Variants in RBM39 observed in about 807,000 individuals in gnomAD.
RBM39 encodes RNA binding motif protein 39.
Under a neutral mutation model 79.6 loss-of-function variants are expected in RBM39, and 12 were observed. The ratio of observed to expected loss-of-function variants is 0.15; its 90% confidence interval spans 0.10 to 0.24. RBM39 has a LOEUF of 0.24. Ranked by LOEUF, RBM39 falls within the 10% of genes least tolerant of loss-of-function variation. The pLI, the probability that RBM39 is intolerant of heterozygous loss-of-function variation, is 1.00. For synonymous variants in RBM39, 185 were observed against 208.4 expected, an observed-to-expected ratio of 0.89 and a Z score of 0.97; for missense variants, 243 against 653.4, an observed-to-expected ratio of 0.37 and a Z score of 6.85.
chr20:35,714,130 T>G (rs572266953), intron 11 of RBM39, 55 bp downstream of exon 11: 1 of 1,546,954 alleles, frequency 6.5e-7, no homozygotes, highest in Non-Finnish European at 8.9e-7. Context: ...TGGCTACCTT[T>G]CTTTTCCACT....
intron 14 of RBM39, 92 bp downstream of exon 14, chr20:35,707,028 A>T (rs1001216692): frequency 1.5e-5 from 1 of 65,882 alleles, no homozygotes; most frequent in Non-Finnish European, 2.0e-5. Flanking sequence ...ACTCCATCTT[A>T]AAAAAAAAAA....
At chr20:35,734,295 G>T (rs1289242338) in intron 3 of RBM39, 3 of 1,148,452 alleles carry the variant, frequency 2.6e-6, no homozygotes, top group East Asian at 1.2e-4. Flanking sequence ...TGTCAGAAAT[G>T]TATATGCTAG....
intron 8 of RBM39, among the ~76,000 whole-genome samples, chr20:35,723,130 T>C (rs921028630): frequency 2.6e-5 from 4 of 152,060 alleles, no homozygotes; most frequent in African/African-American, 9.7e-5. Flanking sequence ...CCGAACGTAG[T>C]TGTTTGTGAT....
intron 9 of RBM39, among the ~76,000 whole-genome samples, chr20:35,718,277 CA>C (rs2037423055): frequency 7.0e-6 from 1 of 142,144 alleles, no homozygotes; most frequent in Non-Finnish European, 1.5e-5. Context: ...AAAAACAAAA[CA>C]AAACAAAAAA....
In RBM39 at chr20:35,725,175, TAAA is replaced by T. The variant is rs780183911; in HGVS notation, c.417-23_417-21del. 26 of 1,352,162 alleles carry T rather than the reference TAAA, an allele frequency of 1.9e-5. No homozygotes were observed. In the East Asian group the frequency reaches 6.1e-4, roughly 32 times the overall value. 83.8% of individuals were successfully genotyped at this position (1,352,162 alleles called of 1,614,324 possible). On this transcript the variant is annotated intron_variant, in intron 6 of 16. Coordinates refer to ENST00000253363, the MANE Select transcript of RBM39 (RefSeq NM_184234.3). The stretch of plus-strand genomic sequence containing the variant: ...GGTTCTCTAATAGGAGTAAAACATA[TAAA>T]ATTAATTTCATAACAGATTTTAAAA...
At chr20:35,714,458 ATATATT>A in intron 10 of RBM39, 69 bp from the exon 11 acceptor site, 1 of 1,448,334 alleles carries the variant, frequency 6.9e-7, no homozygotes, top group Non-Finnish European at 9.1e-7. Flanking sequence ...ATACTTAAAA[ATATATT>A]TATATTTTTA....
intron 6 of RBM39, among the ~76,000 whole-genome samples, chr20:35,726,771 ACT>A (rs926761948): frequency 6.6e-5 from 10 of 152,046 alleles, no homozygotes; most frequent in African/African-American, 2.4e-4. Flanking sequence ...TTTTTTGGAC[ACT>A]CTCAGGATGT....
chr20:35,715,378 G>C (rs1159831726), intron 10 of RBM39, among the ~76,000 whole-genome samples: 1 of 152,130 alleles, frequency 6.6e-6, no homozygotes, highest in Non-Finnish European at 1.5e-5. Flanking sequence ...GTTGCACCAT[G>C]TTGGCCAGGA....
At chr20:35,741,045 T>C (rs1033741071) in intron 1 of RBM39, among the ~76,000 whole-genome samples, 158 bp from the exon 2 acceptor site, 1 of 129,912 alleles carries the variant, frequency 7.7e-6, no homozygotes. Flanking sequence ...TTTTTTTTTT[T>C]TTTTTTGAGA....
intron 3 of RBM39, chr20:35,732,805 T>A (rs145911396): frequency 6.6e-6 from 1 of 152,162 alleles, no homozygotes; most frequent in Non-Finnish European, 1.5e-5. Flanking sequence ...CAAAATAAAT[T>A]AATAAAACAA....
intron 8 of RBM39, among the ~76,000 whole-genome samples, chr20:35,723,643 G>C (rs1404583954): frequency 6.6e-6 from 1 of 152,126 alleles, no homozygotes; most frequent in Non-Finnish European, 1.5e-5. Context: ...TCACCATGTT[G>C]GCCAGGCTGG....
At chr20:35,721,694 T>C in intron 9 of RBM39, 46 bp downstream of exon 9, 1 of 1,595,174 alleles carries the variant, frequency 6.3e-7, no homozygotes, top group Non-Finnish European at 8.6e-7. Context: ...GTAGTTATAC[T>C]CAGATCAACA....
At chr20:35,709,165 TTAC>T in intron 13 of RBM39, 56 bp downstream of exon 13, 1 of 1,442,496 alleles carries the variant, frequency 6.9e-7, no homozygotes, top group Middle Eastern at 1.8e-4. Context: ...GAAAACTGTC[TTAC>T]TACATTTAAT....
chr20:35,738,224 C>T (rs372468548), intron 3 of RBM39, among the ~76,000 whole-genome samples: 2 of 151,670 alleles, frequency 1.3e-5, no homozygotes, highest in African/African-American at 2.4e-5. Context: ...GCCCAGACTG[C>T]GCCACTGCGC....
intron 9 of RBM39, among the ~76,000 whole-genome samples, chr20:35,719,332 C>T (rs1293860424): frequency 6.6e-6 from 1 of 152,148 alleles, no homozygotes; most frequent in South Asian, 2.1e-4. Flanking sequence ...GTGCCTGGCC[C>T]ATACTCAATT....
chr20:35,705,045 G>C, intron 15 of RBM39, 180 bp downstream of exon 15: 4 of 598,974 alleles, frequency 6.7e-6, no homozygotes, highest in Middle Eastern at 4.4e-4. Flanking sequence ...TGATCAAATT[G>C]TTACTGATTT....
At chr20:35,741,892 C>G (rs1214319607) in intron 1 of RBM39, 49 bp downstream of exon 1, 1 of 162,730 alleles carries the variant, frequency 6.1e-6, no homozygotes, top group East Asian at 1.9e-4. Context: ...AAAATGGAGC[C>G]AAACCTCGAG....
intron 12 of RBM39, among the ~76,000 whole-genome samples, 177 bp downstream of exon 12, chr20:35,712,842 G>A (rs77007479): frequency 0.02 from 3,083 of 152,212 alleles, 52 homozygotes; most frequent in Non-Finnish European, 0.03. Flanking sequence ...AACTCATTTT[G>A]ATGCATGGTT....
chr20:35,737,678 T>C (rs1376151520), intron 3 of RBM39, among the ~76,000 whole-genome samples: 1 of 145,358 alleles, frequency 6.9e-6, no homozygotes, highest in African/African-American at 2.6e-5. Context: ...TGAAACCCTG[T>C]CTCTACTAAA....
Sources: allele counts gnomAD v4.1 joint callset (sites outside exome capture counted in the v4.1 genomes callset), GRCh38; gene constraint gnomAD v4.1.1; transcripts MANE v1.5; gene names NCBI Gene and HGNC (gene_info 2026-07-23, HGNC 2026-07-21).